ADAM2: variants seen among roughly 807,000 people sequenced by gnomAD.
ADAM2 encodes the protein ADAM metallopeptidase domain 2, also known as disintegrin and metalloproteinase domain-containing protein 2.
ADAM2 carries 101 observed loss-of-function variants against 99.3 expected under a neutral mutation model. The ratio of observed to expected loss-of-function variants is 1.02; its 90% CI spans 0.87 to 1.20. ADAM2 has a LOEUF of 1.20. Ranked by LOEUF, ADAM2 falls within the 50% of genes most tolerant of loss-of-function variation. The probability of loss-of-function intolerance (pLI) is 0.00; values close to 1 mark genes in which losing one functional copy is unlikely to be tolerated. For missense variants in ADAM2, 948 were observed against 878.7 expected (o/e 1.08, Z -1.00); for synonymous variants, 323 against 287.6 (o/e 1.12, Z -1.25).
chr8:39,837,255 T>C, intron 1 of ADAM2, 43 bp from the exon 2 acceptor site: 1 of 1,395,976 alleles, frequency 7.2e-7, no homozygotes, highest in Non-Finnish European at 1.0e-6. Flanking sequence ...ATGCCCATCA[T>C]TTCAGAGCGT....
At chr8:39,810,044 A>C (rs1328619480) in intron 6 of ADAM2, among the ~76,000 whole-genome samples, 1 of 152,316 alleles carries the variant, frequency 6.6e-6, no homozygotes, top group South Asian at 2.1e-4. Flanking sequence ...GACCCATCTC[A>C]TGTGCAGAGA....
chr8:39,830,774 C>T (rs187197638), intron 3 of ADAM2, among the ~76,000 whole-genome samples: 457 of 150,312 alleles, frequency 3.0e-3, no homozygotes, highest in Non-Finnish European at 4.8e-3. Flanking sequence ...CTAATAGAAA[C>T]GAAAAAAAAA....
chr8:39,760,913 T>TAAAAAAAAAAAAAAAAAAAAAAAAAAA (rs1802341281), intron 15 of ADAM2, among the ~76,000 whole-genome samples: 1 of 104,550 alleles, frequency 9.6e-6, no homozygotes, highest in African/African-American at 4.0e-5. Flanking sequence ...AAAAAAAAAT[T>TAAAAAAAAAAAAAAAAAAAAAAAAAAA]AAAGTAATAG....
intron 16 of ADAM2, among the ~76,000 whole-genome samples, 191 bp from the exon 17 acceptor site, chr8:39,749,935 C>T (rs909394718): frequency 1.3e-5 from 2 of 151,978 alleles, no homozygotes; most frequent in Non-Finnish European, 2.9e-5. Context: ...AGATGAGACT[C>T]TGATTATCTA....
chr8:39,776,232 A>T (rs1802982353), intron 11 of ADAM2, among the ~76,000 whole-genome samples: 1 of 152,048 alleles, frequency 6.6e-6, no homozygotes, highest in Non-Finnish European at 1.5e-5. Flanking sequence ...TTCTAAAGCC[A>T]CTCTGGGGTA....
At chr8:39,791,912 T>C (rs1803733466) in intron 7 of ADAM2, among the ~76,000 whole-genome samples, 1 of 152,072 alleles carries the variant, frequency 6.6e-6, no homozygotes, top group Admixed American at 6.6e-5. Flanking sequence ...TTAAAAACTG[T>C]TAAAGTGTCT....
chr8:39,790,755 ATCT>A lies in ADAM2; in HGVS notation c.571-2018_571-2016del, dbSNP rs141049875. On this transcript the variant is annotated intron_variant, in intron 7 of 20. Transcript: ENST00000265708. ...AAAAAGAAGCAGTTAGAACTTCCAA[ATCT>A]TCTCCTCTTTTCAAGGAGATCAGTG... Among the ~76,000 whole-genome samples the A allele has an allele frequency of 7.3e-4, 111 of 152,100 alleles. 1 individual carries two copies. In the East Asian group the frequency reaches 0.02, roughly 27 times the overall value.
intron 15 of ADAM2, among the ~76,000 whole-genome samples, chr8:39,759,990 T>C (rs557970530): frequency 4.3e-4 from 65 of 152,020 alleles, no homozygotes; most frequent in African/African-American, 1.4e-3. Flanking sequence ...CCTCAGCCTC[T>C]CGAGTAGCTG....
chr8:39,788,109 G>T lies in ADAM2; in HGVS notation c.785C>A (p.Pro262His). 1 of 1,546,866 alleles carries T rather than the reference G, an allele frequency of 6.5e-7. No homozygotes were observed. ...CACAAGTAAAAATGCCACATCATGA[G>T]GACGTAAAACAAGATAAGATGTTTT... Reference protein sequence around the residue: ...RWKTSYLVLRPHDVAFLLVYR... With the variant: ...RWKTSYLVLRHHDVAFLLVYR... The change falls in exon 9 of 21, where the codon CCT becomes CAT. Residue 262 changes from proline (P) to histidine (H), a missense_variant. Coordinates refer to ENST00000265708, the MANE Select transcript of ADAM2 (RefSeq NM_001464.5).
At chr8:39,821,191 T>C (rs556142976) in intron 5 of ADAM2, 21 bp from the exon 6 acceptor site, 3 of 1,489,928 alleles carry the variant, frequency 2.0e-6, no homozygotes, top group Non-Finnish European at 2.7e-6. Context: ...CAAAAAAAAA[T>C]TAATAAGTAA....
intron 3 of ADAM2, among the ~76,000 whole-genome samples, chr8:39,833,280 A>G (rs1805689848): frequency 6.6e-6 from 1 of 152,142 alleles, no homozygotes; most frequent in African/African-American, 2.4e-5. Context: ...TTTATGATGT[A>G]TAAAAAGAGT....
chr8:39,833,870 TAC>T, intron 3 of ADAM2, 72 bp downstream of exon 3: 1 of 824,460 alleles, frequency 1.2e-6, no homozygotes, highest in South Asian at 1.5e-5. Context: ...ACAAAATAAT[TAC>T]ATTCTGGACA....
At chr8:39,784,088 G>T (rs533737630) in intron 10 of ADAM2, among the ~76,000 whole-genome samples, 1 of 152,142 alleles carries the variant, frequency 6.6e-6, no homozygotes, top group Non-Finnish European at 1.5e-5. Flanking sequence ...ACTCTAAATT[G>T]CAATCTACAG....
chr8:39,788,702 T>C lies in ADAM2; in HGVS notation c.609A>G (p.Gln203=), dbSNP rs143527314. ...HMGSDTTVVA[Q]KVFQLIGLTN... ...TCAATCCAATCAACTGGAAAACTTTTTGAGCGACAACAGTTGTATCAGACC... is the reference window on the plus strand; with the variant it reads ...TCAATCCAATCAACTGGAAAACTTTCTGAGCGACAACAGTTGTATCAGACC... The change falls in exon 8 of 21, where the codon CAA becomes CAG. Residue 203 remains glutamine (Q), a synonymous_variant. Coordinates refer to ENST00000265708, the MANE Select transcript of ADAM2 (RefSeq NM_001464.5). The C allele has an allele frequency of 1.6e-3, 2,540 of 1,582,666 alleles. 6 individuals carry two copies. Among genetic ancestry groups the C allele is most frequent in the Non-Finnish European group, 2.0e-3 (2,380 of 1,162,254 alleles).
At chr8:39,829,856 G>A (rs1301862003) in intron 3 of ADAM2, among the ~76,000 whole-genome samples, 1 of 151,990 alleles carries the variant, frequency 6.6e-6, no homozygotes, top group Admixed American at 6.6e-5. Flanking sequence ...ACATTAATTT[G>A]AGTGACTAAA....
At chr8:39,800,206 G>C (rs1456460219) in intron 7 of ADAM2, among the ~76,000 whole-genome samples, 1 of 152,160 alleles carries the variant, frequency 6.6e-6, no homozygotes, top group Non-Finnish European at 1.5e-5. Flanking sequence ...AGGAGCTTTT[G>C]CAGGACAGAC....
rs1191757427 is a variant in ADAM2, at chr8:39,761,097, C to G, written c.1613+79G>C. The G allele has an allele frequency of 5.7e-6, 5 of 872,308 alleles. No homozygotes were observed. In the East Asian group the frequency reaches 1.4e-4, roughly 24 times the overall value. 54.0% of individuals were successfully genotyped at this position (872,308 alleles called of 1,614,324 possible). ...TTATGTTCAGGGGATATTTTGCTTA[C>G]ATAAACTTAATTGTTTGATGGTATT... On this transcript the variant is annotated intron_variant, in intron 15 of 20. Coordinates refer to ENST00000265708, the MANE Select transcript of ADAM2 (RefSeq NM_001464.5).
chr8:39,832,796 AC>A (rs1805669605), intron 3 of ADAM2, among the ~76,000 whole-genome samples: 2 of 150,734 alleles, frequency 1.3e-5, no homozygotes, highest in African/African-American at 4.9e-5. Context: ...TTTCTTAAGT[AC>A]CTTTTCACCG....
intron 9 of ADAM2, 117 bp from the exon 10 acceptor site, chr8:39,787,172 CAT>C: frequency 1.9e-6 from 1 of 539,644 alleles, no homozygotes; most frequent in Non-Finnish European, 3.2e-6. Context: ...ATTAATGTAA[CAT>C]AGCATAAGAT....
Sources: allele counts gnomAD v4.1 joint callset (sites outside exome capture counted in the v4.1 genomes callset), GRCh38; gene constraint gnomAD v4.1.1; transcripts MANE v1.5; gene names NCBI Gene and HGNC (gene_info 2026-07-23, HGNC 2026-07-21).